NTN1: variants seen among roughly 807,000 people sequenced by gnomAD.
NTN1 encodes netrin 1.
A neutral mutation model predicts 54.2 loss-of-function variants in NTN1; 11 were observed. That is an observed-to-expected ratio of 0.20 (90% confidence interval 0.13 to 0.34). The LOEUF is 0.34. Among genes scored for constraint, NTN1 ranks in the 10% least tolerant of loss-of-function variants. The probability of loss-of-function intolerance (pLI) is 1.00; values close to 1 mark genes in which losing one functional copy is unlikely to be tolerated. For synonymous variants in NTN1, 371 were observed against 382.0 expected (o/e 0.97, Z 0.33); for missense variants, 740 against 893.1 (o/e 0.83, Z 2.18).
rs932434138 is a variant in NTN1 at position 9,240,913 on chromosome 17, C to T, written c.*945C>T. The T allele has an allele frequency of 1.6e-4, 25 of 152,412 alleles. No homozygotes were observed. The highest frequency in any genetic ancestry group is 5.5e-4 in the African/African-American group (23 of 41,570). 9.4% of individuals were successfully genotyped at this position (152,412 alleles called of 1,614,324 possible). ...TTCCTTTTGGAAACTTGGAACCAGC[C>T]CTTTTTATGACGTTTTCCAGGGGGA... is the stretch of plus-strand genomic sequence containing the variant. On this transcript the variant is annotated 3_prime_UTR_variant, in exon 7 of 7. Coordinates refer to ENST00000173229, the MANE Select transcript of NTN1 (RefSeq NM_004822.3).
At chr17:9,116,538 A>G (rs1330282027) in intron 2 of NTN1, among the ~76,000 whole-genome samples, 1 of 151,964 alleles carries the variant, frequency 6.6e-6, no homozygotes, top group Non-Finnish European at 1.5e-5. Context: ...ATTTCCCCTT[A>G]TTTCACTGAC....
the NTN1 span, among the ~76,000 whole-genome samples, chr17:9,008,390 C>T: frequency 1.3e-5 from 2 of 152,194 alleles, no homozygotes; most frequent in African/African-American, 4.8e-5. Flanking sequence ...GCGATTTCAG[C>T]TCACTGCAAC....
intron 4 of NTN1, 106 bp downstream of exon 4, chr17:9,180,062 TGAG>T (rs2092414142): frequency 8.0e-7 from 1 of 1,257,332 alleles, no homozygotes; most frequent in South Asian, 1.5e-5. Flanking sequence ...TTTGGTTGGT[TGAG>T]TCTCACTGTG....
intron 2 of NTN1, among the ~76,000 whole-genome samples, chr17:9,095,576 G>A (rs1227116236): frequency 1.3e-5 from 2 of 152,146 alleles, no homozygotes; most frequent in East Asian, 3.8e-4. Flanking sequence ...ATACACATCT[G>A]TGTTCTTTTG....
intron 6 of NTN1, among the ~76,000 whole-genome samples, chr17:9,223,092 G>T (rs1053204244): frequency 2.0e-5 from 3 of 152,190 alleles, no homozygotes; most frequent in Non-Finnish European, 2.9e-5. Flanking sequence ...GGGGTCTACA[G>T]TCAATTCCTA....
At chr17:9,013,220 T>C in the NTN1 span, among the ~76,000 whole-genome samples, 1 of 145,932 alleles carries the variant, frequency 6.9e-6, no homozygotes, top group Non-Finnish European at 1.5e-5. Context: ...CTTTTTCTTT[T>C]TTTTTTTTTT....
At chr17:9,173,839 G>A (rs2092393524) in intron 3 of NTN1, 1 of 152,326 alleles carries the variant, frequency 6.6e-6, no homozygotes, top group Admixed American at 6.5e-5. Context: ...TTCTCTGTCT[G>A]TTGCATTCCT....
chr17:9,012,008 A>C, the NTN1 span, among the ~76,000 whole-genome samples: 2 of 152,150 alleles, frequency 1.3e-5, no homozygotes. Context: ...AGTCTGTTAA[A>C]CCCTGGGGAT....
intron 2 of NTN1, among the ~76,000 whole-genome samples, chr17:9,156,485 G>C (rs1437887378): frequency 6.6e-6 from 1 of 152,172 alleles, no homozygotes. Context: ...TGAGAGACAT[G>C]GTCTGGAAAC....
At chr17:9,100,826 A>G (rs750847185) in intron 2 of NTN1, among the ~76,000 whole-genome samples, 29 of 152,156 alleles carry the variant, frequency 1.9e-4, no homozygotes, top group South Asian at 8.3e-4. Flanking sequence ...GTCAGTTAGT[A>G]TCTTTCTTCA....
At chr17:9,060,847 G>A (rs565148448) in intron 2 of NTN1, among the ~76,000 whole-genome samples, 25 of 151,916 alleles carry the variant, frequency 1.6e-4, no homozygotes, top group South Asian at 4.2e-4. Flanking sequence ...ATGGTGGCGC[G>A]TGCCTGTAGT....
intron 2 of NTN1, among the ~76,000 whole-genome samples, chr17:9,024,761 G>C (rs773941141): frequency 1.3e-4 from 20 of 152,182 alleles, no homozygotes; most frequent in Non-Finnish European, 1.0e-4. Flanking sequence ...TTTTACGCTC[G>C]TGTCCCGCTC....
At chr17:9,011,974 G>T in the NTN1 span, among the ~76,000 whole-genome samples, 2 of 152,130 alleles carry the variant, frequency 1.3e-5, no homozygotes, top group Non-Finnish European at 2.9e-5. Context: ...TTAATTTGTA[G>T]TGCACTCCTA....
intron 2 of NTN1, among the ~76,000 whole-genome samples, chr17:9,102,540 G>A (rs2092153991): frequency 6.6e-6 from 1 of 152,222 alleles, no homozygotes; most frequent in Non-Finnish European, 1.5e-5. Flanking sequence ...AGATTTGAGT[G>A]TAGACACAGC....
chr17:9,111,158 G>A (rs2092189131), intron 2 of NTN1, among the ~76,000 whole-genome samples: 1 of 151,920 alleles, frequency 6.6e-6, no homozygotes, highest in African/African-American at 2.4e-5. Flanking sequence ...GGATGGTCTC[G>A]ATCTCCTGAT....
intron 2 of NTN1, among the ~76,000 whole-genome samples, chr17:9,106,467 CCCTTCCTTCCTTCCTTCCTTCCTT>C (rs200226901): frequency 0.038 from 4,602 of 120,030 alleles, 114 homozygotes; most frequent in Non-Finnish European, 0.046. Flanking sequence ...CTTCCTTCCT[CCCTTCCTTCCTTCCTTCCTTCCTT>C]CCTTCCTTCC....
In NTN1 at chr17:9,212,925, C is replaced by T. The variant is rs1286719421; in HGVS notation, c.1412-8243C>T. ...CGCCGGGCTCTGCCTGCCATATGCT[C>T]AGAGATGAGCCTCGATCCGGCGAGC... On this transcript the variant is annotated intron_variant, in intron 5 of 6. Transcript: ENST00000173229. The surrounding 1 kb of genome is among the most constrained non-coding windows in gnomAD (Gnocchi z 5.5). Among the ~76,000 whole-genome samples the T allele has an allele frequency of 1.3e-5, 2 of 152,214 alleles. No homozygotes were observed. The highest frequency in any genetic ancestry group is 4.8e-5 in the African/African-American group (2 of 41,464).
intron 2 of NTN1, among the ~76,000 whole-genome samples, chr17:9,102,378 A>C (rs190681979): frequency 6.6e-6 from 1 of 150,838 alleles, no homozygotes; most frequent in Non-Finnish European, 1.5e-5. Context: ...GTGAAGGGGA[A>C]GCCCCTTAAA....
At chr17:9,092,080 G>A (rs2092112756) in intron 2 of NTN1, among the ~76,000 whole-genome samples, 1 of 151,448 alleles carries the variant, frequency 6.6e-6, no homozygotes, top group Non-Finnish European at 1.5e-5. Flanking sequence ...AGTAGAGACG[G>A]GGTTTCACCA....
Sources: allele counts gnomAD v4.1 joint callset (sites outside exome capture counted in the v4.1 genomes callset), GRCh38; gene constraint gnomAD v4.1.1; non-coding constraint Gnocchi (gnomAD v3.1); transcripts MANE v1.5; gene names NCBI Gene and HGNC (gene_info 2026-07-23, HGNC 2026-07-21).